The following GSTO2 variants were observed in gnomAD, a reference collection of about 807,000 sequenced individuals.
GSTO2 encodes glutathione S-transferase omega 2.
Under a neutral mutation model 28.4 loss-of-function variants are expected in GSTO2, and 23 were observed. The ratio of observed to expected loss-of-function variants is 0.81; its 90% CI spans 0.58 to 1.15. GSTO2 has a LOEUF of 1.15. GSTO2 is among the 50% of genes most tolerant of loss of function. The probability of loss-of-function intolerance (pLI) is 0.00; values close to 1 mark genes in which losing one functional copy is unlikely to be tolerated. For missense variants in GSTO2, 298 were observed against 297.8 expected (o/e 1.00, Z 0.00); for synonymous variants, 109 against 111.0 (o/e 0.98, Z 0.11).
intron 5 of GSTO2, 85 bp from the exon 6 acceptor site, chr10:104,297,493 A>C: frequency 1.2e-6 from 1 of 817,930 alleles, no homozygotes; most frequent in Non-Finnish European, 2.0e-6. Context: ...CTCTCTGGGA[A>C]TTAATTTGAG....
Position 104,274,827 on chromosome 10 carries a change from C to G in GSTO2, c.-89C>G. ...TTGGGGCAAGGGGTGCGCGCCAGAG[C>G]GCAGCTGTTTCTGGAGCCTGCGGCA... On this transcript the variant is annotated 5_prime_UTR_variant, in exon 2 of 7. Transcript: ENST00000338595. The G allele has an allele frequency of 1.3e-6, 2 of 1,485,816 alleles. No individual in the cohort carries two copies. The highest frequency in any genetic ancestry group is 1.7e-4 in the Middle Eastern group (1 of 5,790). The allele number at this position is 1,485,816 out of a possible 1,614,324, so 92.0% of individuals were successfully genotyped here. A position where few individuals can be genotyped will look rare whatever the true frequency, so the allele number is the denominator to read the frequency against.
In GSTO2 at chr10:104,300,525, C is replaced by T. The variant is rs1298983333; in HGVS notation, c.*1241C>T. ...GTAGGGATGCTTGTCTCTGATGTGG[C>T]CCCTCTGCCAGCTTCGCCAGGCAGT... On this transcript the variant is annotated 3_prime_UTR_variant, in exon 7 of 7. Coordinates refer to ENST00000338595, the MANE Select transcript of GSTO2 (RefSeq NM_183239.2). The T allele has an allele frequency of 6.6e-6, 1 of 152,314 alleles. No individual in the cohort carries two copies. Among genetic ancestry groups the T allele is most frequent in the Non-Finnish European group, 1.5e-5 (1 of 68,106 alleles). The allele number at this position is 152,314 out of a possible 1,614,324, so 9.4% of individuals were successfully genotyped here.
At position 104,275,335 on chromosome 10, in the gene GSTO2, G is replaced by A. The variant is rs1385640690; in HGVS notation, c.143+1G>A. ...TCGTCCTCAAGGCCAAAGACATCAG[G>A]TGAGAAGCGGGAACCCAGAGCCCCC... On this transcript the variant is annotated splice_donor_variant, in intron 3 of 6. Coordinates refer to ENST00000338595, the MANE Select transcript of GSTO2 (RefSeq NM_183239.2). LOFTEE classifies it high-confidence loss of function. The A allele has an allele frequency of 1.2e-6, 2 of 1,613,656 alleles. No homozygotes were observed. The highest frequency in any genetic ancestry group is 1.7e-6 in the Non-Finnish European group (2 of 1,179,776).
At chr10:104,280,988 G>C (rs1001975725) in intron 5 of GSTO2, among the ~76,000 whole-genome samples, 1 of 152,264 alleles carries the variant, frequency 6.6e-6, no homozygotes, top group Non-Finnish European at 1.5e-5. Flanking sequence ...GCCATATGAT[G>C]TGGTGGAAAG....
intron 1 of GSTO2, among the ~76,000 whole-genome samples, chr10:104,272,483 G>A (rs974780632): frequency 6.6e-6 from 1 of 150,996 alleles, no homozygotes; most frequent in Non-Finnish European, 1.5e-5. Flanking sequence ...AACTTCCAGG[G>A]TTCCTAGTCC....
In GSTO2 at chr10:104,299,654, ATGT is replaced by A. The variant is rs1368203618; in HGVS notation, c.*376_*378del. ...CCACGCCCAGCTAATTTTTAAAAAA[ATGT>A]TGTTGAGACAGGGTCTCACTATGTT... On this transcript the variant is annotated 3_prime_UTR_variant, in exon 7 of 7. Transcript: ENST00000338595. 3.4e-5 allele frequency: 8 copies of A among 236,666 alleles called. No individual in the cohort carries two copies. The highest frequency in any genetic ancestry group is 6.6e-5 in the Non-Finnish European group (8 of 120,910). The allele number at this position is 236,666 out of a possible 1,614,324, so 14.7% of individuals were successfully genotyped here.
intron 1 of GSTO2, among the ~76,000 whole-genome samples, chr10:104,270,074 C>A (rs1180845874): frequency 6.6e-6 from 1 of 150,520 alleles, no homozygotes; most frequent in African/African-American, 2.5e-5. Context: ...ACTGCAGTGG[C>A]GCGATCTCGG....
At chr10:104,287,887 CT>C (rs397760653) in intron 5 of GSTO2, among the ~76,000 whole-genome samples, 2,175 of 116,206 alleles carry the variant, frequency 0.019, 13 homozygotes, top group South Asian at 0.023. Flanking sequence ...GAAAAAAACA[CT>C]TTTTTTTTTT....
intron 4 of GSTO2, among the ~76,000 whole-genome samples, chr10:104,279,077 G>A (rs1023687760): frequency 6.6e-6 from 1 of 152,188 alleles, no homozygotes; most frequent in Non-Finnish European, 1.5e-5. Flanking sequence ...GAGGCTTAGA[G>A]AGGTTGAGTG....
At chr10:104,286,460 T>C (rs374020401) in intron 5 of GSTO2, among the ~76,000 whole-genome samples, 10 of 152,352 alleles carry the variant, frequency 6.6e-5, no homozygotes, top group African/African-American at 2.2e-4. Flanking sequence ...AATACGCACA[T>C]TTTGTTTATC....
intron 6 of GSTO2, 116 bp downstream of exon 6, chr10:104,297,800 G>A: frequency 1.5e-6 from 1 of 675,660 alleles, no homozygotes; most frequent in South Asian, 1.8e-5. Context: ...AGTGAATCAG[G>A]TTTCTAAACC....
intron 2 of GSTO2, 27 bp from the exon 3 acceptor site, chr10:104,275,199 C>A: frequency 6.3e-7 from 1 of 1,595,574 alleles, no homozygotes; most frequent in South Asian, 1.1e-5. Flanking sequence ...TCTCCTTTCC[C>A]TGTCCCCCTC....
At chr10:104,282,022 G>T (rs1304611026) in intron 5 of GSTO2, among the ~76,000 whole-genome samples, 1 of 151,918 alleles carries the variant, frequency 6.6e-6, no homozygotes, top group African/African-American at 2.4e-5. Context: ...ATGCTAAAAG[G>T]CCTTTTCCAC....
At chr10:104,279,299 C>A (rs2011862642) in intron 4 of GSTO2, 71 bp from the exon 5 acceptor site, 4 of 1,311,186 alleles carry the variant, frequency 3.1e-6, no homozygotes, top group African/African-American at 1.5e-5. Flanking sequence ...AGCTTCGCTG[C>A]CTTTTCAGGC....
chr10:104,279,957 G>GT, intron 5 of GSTO2, among the ~76,000 whole-genome samples: 1 of 152,050 alleles, frequency 6.6e-6, no homozygotes, highest in Non-Finnish European at 1.5e-5. Context: ...GAGCCTAGAA[G>GT]TTTAAGACCA....
Position 104,297,620 on chromosome 10 carries a change from A to G in GSTO2, c.511A>G (p.Ile171Val), listed in dbSNP as rs2013101026. 1 of 1,613,796 alleles carries G rather than the reference A, an allele frequency of 6.2e-7. No individual in the cohort carries two copies. The highest frequency in any genetic ancestry group is 8.5e-7 in the Non-Finnish European group (1 of 1,179,752). ...CACCACCTTCTTTGGTGGAACCTGT[A>G]TATCCATGATTGATTACCTCCTCTG... ...QNTTFFGGTC[I>V]SMIDYLLWPW... is the part of the protein sequence containing the mutation. Residue 171 changes from isoleucine to valine, a missense_variant, in exon 6 of 7, where the codon ATA (isoleucine) becomes GTA (valine). By Grantham distance (29) the Ile-to-Val change is conservative (BLOSUM62 3). Transcript: ENST00000338595.
chr10:104,297,810 C>T (rs764904379), intron 6 of GSTO2, 126 bp downstream of exon 6: 38 of 625,038 alleles, frequency 6.1e-5, no homozygotes, highest in Admixed American at 3.5e-4. Flanking sequence ...GTTTCTAAAC[C>T]GCAGTGTGTG....
chr10:104,299,226 G>C lies in GSTO2; in HGVS notation c.674G>C (p.Gly225Ala). ...ALLMDKSIFQGFLNLYFQNNP... is the reference protein window; with the variant it reads ...ALLMDKSIFQAFLNLYFQNNP... ...CTCATGGATAAGAGCATTTTCCAGG[G>C]CTTCTTGAATCTCTATTTTCAGAAC... Residue 225 changes from glycine to alanine, a missense_variant, in exon 7 of 7, where the codon GGC becomes GCC. Transcript: ENST00000338595. The C allele has an allele frequency of 6.2e-7, 1 of 1,614,174 alleles. No individual in the cohort carries two copies. Among genetic ancestry groups the C allele is most frequent in the Admixed American group, 1.7e-5 (1 of 60,012 alleles).
At chr10:104,287,202 G>A (rs550792450) in intron 5 of GSTO2, among the ~76,000 whole-genome samples, 1 of 152,278 alleles carries the variant, frequency 6.6e-6, no homozygotes, top group Admixed American at 6.5e-5. Flanking sequence ...ACAGGCATGT[G>A]CCACCATGCC....
Sources: allele counts gnomAD v4.1 joint callset (sites outside exome capture counted in the v4.1 genomes callset), GRCh38; gene constraint gnomAD v4.1.1; transcripts MANE v1.5; gene names NCBI Gene and HGNC (gene_info 2026-07-23, HGNC 2026-07-21).